The following BANK1 variants were observed in gnomAD, a reference collection of about 807,000 sequenced individuals.
BANK1 encodes the protein B-cell scaffold protein with ankyrin repeats.
In BANK1, 95 loss-of-function variants were observed where a neutral mutation model predicts 94.5. The observed-to-expected ratio is 1.00, with a 90% CI of 0.85 to 1.19. The LOEUF is 1.19. Ranked by LOEUF, BANK1 falls within the 50% of genes most tolerant of loss-of-function variation. The pLI is 0.00. For synonymous variants in BANK1, 334 were observed against 308.4 expected, an observed-to-expected ratio of 1.08 and a Z score of -0.87; for missense variants, 987 against 932.2, an observed-to-expected ratio of 1.06 and a Z score of -0.77.
At position 101,866,702 on chromosome 4, in the gene BANK1, AGACACATGCACACG is replaced by A. The variant is rs1728083471; in HGVS notation, c.764-3802_764-3789del. 7.9e-5 allele frequency among the ~76,000 whole-genome samples: 4 copies of A among 50,640 alleles called. 2 individuals carry two copies. Among genetic ancestry groups the A allele is most frequent in the Non-Finnish European group, 1.5e-4 (4 of 25,814 alleles). 33.2% of individuals were successfully genotyped at this position (50,640 alleles called of 152,430 possible). ...AGGACTATAAATCATGCTGCTATAA[AGACACATGCACACG>A]TATGTTTATTGCAGCACTATTCACA... is the stretch of plus-strand genomic sequence containing the variant. On this transcript the variant is annotated intron_variant, in intron 4 of 16. Transcript: ENST00000322953.
At chr4:101,865,537 A>G (rs1172323927) in intron 4 of BANK1, among the ~76,000 whole-genome samples, 1 of 152,100 alleles carries the variant, frequency 6.6e-6, no homozygotes, top group Non-Finnish European at 1.5e-5. Context: ...TACTCTCCAG[A>G]AGAAAACACC....
intron 2 of BANK1, among the ~76,000 whole-genome samples, chr4:101,843,041 A>G (rs926122762): frequency 6.6e-6 from 1 of 152,254 alleles, no homozygotes; most frequent in Non-Finnish European, 1.5e-5. Context: ...TAGAAAAATT[A>G]AAACTTTTAA....
chr4:101,878,670 A>C (rs1728573505), intron 5 of BANK1, among the ~76,000 whole-genome samples: 1 of 152,208 alleles, frequency 6.6e-6, no homozygotes, highest in South Asian at 2.1e-4. Context: ...TCCTCAGCAC[A>C]TGACCATTCT....
chr4:101,986,895 G>GTATATATATATATATATA (rs1253442320), intron 7 of BANK1, among the ~76,000 whole-genome samples: 1 of 64,680 alleles, frequency 1.5e-5, no homozygotes, highest in East Asian at 3.6e-4. Flanking sequence ...GTGTGTGTGT[G>GTATATATATATATATATA]TGTGTATATA....
At chr4:101,827,572 T>A (rs1726412715) in intron 1 of BANK1, among the ~76,000 whole-genome samples, 1 of 152,048 alleles carries the variant, frequency 6.6e-6, no homozygotes, top group East Asian at 1.9e-4. Flanking sequence ...GCAATCATAA[T>A]GCCCTCAGCA....
intron 13 of BANK1, among the ~76,000 whole-genome samples, chr4:102,065,356 C>A (rs1008835015): frequency 6.6e-6 from 1 of 152,052 alleles, no homozygotes; most frequent in African/African-American, 2.4e-5. Flanking sequence ...AAAGAAAACA[C>A]CTTGGGCTTT....
chr4:101,848,534 C>T (rs570533475), intron 2 of BANK1, among the ~76,000 whole-genome samples: 2 of 152,234 alleles, frequency 1.3e-5, no homozygotes, highest in South Asian at 2.1e-4. Flanking sequence ...TACCTTGCTA[C>T]ACTGGGAAAG....
rs560520677 is a variant in BANK1, at chr4:102,065,915, G to A, written c.2212+2777G>A. On this transcript the variant is annotated intron_variant, in intron 13 of 16. Coordinates refer to ENST00000322953, the MANE Select transcript of BANK1 (RefSeq NM_017935.5). ...GACTTTGAAAATGAACAGAGTCCCA[G>A]CGACATTTAGGACAATATAATGCAT... 1.1e-3 allele frequency among the ~76,000 whole-genome samples: 173 copies of A among 152,154 alleles called. 1 individual carries two copies. The highest frequency in any genetic ancestry group is 3.9e-3 in the African/African-American group (160 of 41,540).
chr4:101,816,566 T>C (rs1725925300), intron 1 of BANK1, among the ~76,000 whole-genome samples: 1 of 151,654 alleles, frequency 6.6e-6, no homozygotes, highest in East Asian at 1.9e-4. Context: ...TCTTTTTTTT[T>C]TTTTTTCTGT....
rs79587999 is a variant in BANK1, at chr4:101,960,776, T to C, written c.1206+42587T>C. ...TATGTGCTATTAAGTCACCAACAAG[T>C]TAAGTAACTGTTCAATTAATCCATA... On this transcript the variant is annotated intron_variant, in intron 7 of 16. Coordinates refer to ENST00000322953, the MANE Select transcript of BANK1 (RefSeq NM_017935.5). Among the ~76,000 whole-genome samples the C allele has an allele frequency of 5.7e-3, 865 of 151,958 alleles. 15 individuals are homozygous for C. The highest frequency in any genetic ancestry group is 0.057 in the East Asian group (293 of 5,162).
intron 10 of BANK1, 149 bp from the exon 11 acceptor site, chr4:102,043,690 T>C (rs1727777961): frequency 2.0e-6 from 1 of 488,060 alleles, no homozygotes; most frequent in Non-Finnish European, 3.7e-6. Flanking sequence ...AATTGTAAAT[T>C]TGATAATCTT....
At position 101,870,576 on chromosome 4, in the gene BANK1, T is replaced by A; in HGVS notation, c.835T>A (p.Tyr279Asn). 2 of 1,612,958 alleles carry A rather than the reference T, an allele frequency of 1.2e-6. No homozygotes were observed. Among genetic ancestry groups the A allele is most frequent in the Non-Finnish European group, 1.7e-6 (2 of 1,179,274 alleles). ...GIVKATTKIKYYPTAKAKECL... is the reference protein window; with the variant it reads ...GIVKATTKIKNYPTAKAKECL... ...CGTTAAAGCTACAACCAAAATTAAG[T>A]ACTACCCAACAGCAAAGGCAAAGGA... Residue 279 changes from tyrosine to asparagine, a missense_variant, in exon 5 of 17, where the codon TAC becomes AAC. Tyr to Asn is a moderately radical substitution (Grantham distance 143). Transcript: ENST00000322953.
rs145978154 is a variant in BANK1 at position 101,917,384 on chromosome 4, A to G, written c.1010-609A>G. ...AATTAATAAATATCTTCTAATTGAT[A>G]GTTAATAATTATGAAAAATCAAACT... On this transcript the variant is annotated intron_variant, in intron 6 of 16. Coordinates refer to ENST00000322953, the MANE Select transcript of BANK1 (RefSeq NM_017935.5). Among the ~76,000 whole-genome samples, 257 of 152,118 alleles carry G rather than the reference A, an allele frequency of 1.7e-3. 2 individuals are homozygous for G. The highest frequency in any genetic ancestry group is 5.9e-3 in the African/African-American group (247 of 41,558).
rs559479148 is a variant in BANK1, at chr4:101,852,308, C to T, written c.470-2727C>T. Among the ~76,000 whole-genome samples, 205 of 151,150 alleles carry T rather than the reference C, an allele frequency of 1.4e-3. 4 individuals are homozygous for T. The South Asian group carries it at 0.017, about 12-fold the overall frequency. ...CCTCTACTTGAATTAAATATACATA[C>T]ATAATTTAAACCTGTAAAATAAATA... On this transcript the variant is annotated intron_variant, in intron 2 of 16. Coordinates refer to ENST00000322953, the MANE Select transcript of BANK1 (RefSeq NM_017935.5).
chr4:101,879,658 T>C (rs1007671371), intron 5 of BANK1, among the ~76,000 whole-genome samples: 3 of 152,096 alleles, frequency 2.0e-5, no homozygotes, highest in Admixed American at 2.0e-4. Context: ...TACAGGCCAA[T>C]ATCTTTGATG....
chr4:101,931,767 T>G (rs1258068816), intron 7 of BANK1, among the ~76,000 whole-genome samples: 5 of 151,390 alleles, frequency 3.3e-5, no homozygotes, highest in Non-Finnish European at 7.4e-5. Context: ...TTTAATCATA[T>G]CGTGTTACAG....
At chr4:101,989,164 GC>G (rs1725611251) in intron 7 of BANK1, among the ~76,000 whole-genome samples, 1 of 152,042 alleles carries the variant, frequency 6.6e-6, no homozygotes, top group South Asian at 2.1e-4. Context: ...GCTCTTCTTG[GC>G]CAGGCACTGT....
chr4:102,043,916 A>G lies in BANK1; in HGVS notation c.1969+9A>G, dbSNP rs771729766. The G allele has an allele frequency of 2.0e-6, 3 of 1,520,150 alleles. No individual in the cohort carries two copies. Among genetic ancestry groups the G allele is most frequent in the Admixed American group, 1.7e-5 (1 of 59,144 alleles). 94.2% of individuals were successfully genotyped at this position (1,520,150 alleles called of 1,614,324 possible). On this transcript the variant is annotated intron_variant, in intron 11 of 16. Transcript: ENST00000322953. ...TCTTCCTAAGAAACAAGGTACTAACACTAACTTCAATCTATTTAGTAATCT... is the reference window on the plus strand; with the variant it reads ...TCTTCCTAAGAAACAAGGTACTAACGCTAACTTCAATCTATTTAGTAATCT...
At chr4:102,044,855 C>G (rs1388012375) in intron 11 of BANK1, among the ~76,000 whole-genome samples, 4 of 115,682 alleles carry the variant, frequency 3.5e-5, no homozygotes, top group African/African-American at 1.3e-4. Context: ...TGTTCATGTC[C>G]TTCGCCCACT....
Sources: allele counts gnomAD v4.1 joint callset (sites outside exome capture counted in the v4.1 genomes callset), GRCh38; gene constraint gnomAD v4.1.1; transcripts MANE v1.5; gene names NCBI Gene and HGNC (gene_info 2026-07-23, HGNC 2026-07-21).